CTXND2: variants seen among roughly 807,000 people sequenced by gnomAD.
CTXND2 encodes the protein cortexin domain containing 2.
At chr1:150,909,282 T>C (rs1162373836) in intron 1 of CTXND2, among the ~76,000 whole-genome samples, 1 of 148,236 alleles carries the variant, frequency 6.7e-6, no homozygotes, top group African/African-American at 2.5e-5. Flanking sequence ...CCAGGCACAG[T>C]AGCTCATACA....
At chr1:150,911,112 TG>T (rs1261385112) in intron 1 of CTXND2, among the ~76,000 whole-genome samples, 1 of 151,728 alleles carries the variant, frequency 6.6e-6, no homozygotes, top group Non-Finnish European at 1.5e-5. Context: ...CCATAATTTT[TG>T]TATTTTTTTT....
chr1:150,900,579 T>G (rs1329483527), intron 1 of CTXND2, among the ~76,000 whole-genome samples: 4 of 151,630 alleles, frequency 2.6e-5, no homozygotes, highest in African/African-American at 9.7e-5. Context: ...ACCCGGGAGG[T>G]GGAGGTTACA....
At chr1:150,896,972 G>T (rs970802980) in intron 1 of CTXND2, among the ~76,000 whole-genome samples, 4 of 152,128 alleles carry the variant, frequency 2.6e-5, no homozygotes, top group African/African-American at 9.7e-5. Context: ...ATAACACAAA[G>T]AGAATGTTAA....
chr1:150,909,233 T>C (rs1669206239), intron 1 of CTXND2, among the ~76,000 whole-genome samples: 2 of 127,494 alleles, frequency 1.6e-5, no homozygotes, highest in Admixed American at 1.7e-4. Context: ...GCAAGACTCC[T>C]TCTCAAAAAA....
At chr1:150,910,327 G>A (rs1477723695) in intron 1 of CTXND2, among the ~76,000 whole-genome samples, 6 of 136,702 alleles carry the variant, frequency 4.4e-5, no homozygotes, top group East Asian at 4.6e-4. Context: ...ATGGGGTTTC[G>A]CCATGTTGGC....
chr1:150,898,649 A>C (rs957481920), intron 1 of CTXND2, among the ~76,000 whole-genome samples: 2 of 151,132 alleles, frequency 1.3e-5, no homozygotes, highest in African/African-American at 2.4e-5. Flanking sequence ...CCAGCTACTC[A>C]GGAAACTGAG....
intron 1 of CTXND2, among the ~76,000 whole-genome samples, chr1:150,894,589 G>C (rs758192442): frequency 2.6e-5 from 4 of 151,862 alleles, no homozygotes; most frequent in African/African-American, 9.7e-5. Flanking sequence ...TTTATTTAGC[G>C]GGTACAAGTG....
At chr1:150,908,778 C>T (rs587611230) in intron 1 of CTXND2, among the ~76,000 whole-genome samples, 1 of 144,000 alleles carries the variant, frequency 6.9e-6, no homozygotes, top group South Asian at 2.5e-4. Context: ...ATATGCCACA[C>T]ACCTAGCTAA....
chr1:150,891,628 G>C (rs1488693603), intron 1 of CTXND2, among the ~76,000 whole-genome samples: 1 of 152,158 alleles, frequency 6.6e-6, no homozygotes, highest in Non-Finnish European at 1.5e-5. Flanking sequence ...TGCAACACAA[G>C]GTCCCTTGTG....
chr1:150,901,317 T>A (rs1414222148), intron 1 of CTXND2, among the ~76,000 whole-genome samples: 9 of 152,178 alleles, frequency 5.9e-5, no homozygotes, highest in African/African-American at 2.2e-4. Context: ...ATGCCAGTAC[T>A]CTCTAAATTG....
intron 1 of CTXND2, among the ~76,000 whole-genome samples, chr1:150,905,787 G>A (rs1336447692): frequency 6.6e-6 from 1 of 150,932 alleles, no homozygotes; most frequent in Non-Finnish European, 1.5e-5. Flanking sequence ...TCAGGATATC[G>A]AGACCATCCT....
rs1571607272 is a variant in CTXND2 at position 150,910,336 on chromosome 1, G to C, written c.-73-1906G>C. 5.0e-5 allele frequency among the ~76,000 whole-genome samples: 4 copies of C among 80,588 alleles called. No homozygotes were observed. In the Admixed American group the frequency reaches 6.9e-4, roughly 14 times the overall value. 52.9% of individuals were successfully genotyped at this position (80,588 alleles called of 152,430 possible). On this transcript the variant is annotated intron_variant, in intron 1 of 1. Transcript: ENST00000636087. ...GTAGACATGGGGTTTCGCCATGTTG[G>C]CCAGGCTGGTCTCAAACTCCTGACC...
chr1:150,890,554 A>C (rs1247410224), intron 1 of CTXND2, among the ~76,000 whole-genome samples: 1 of 152,110 alleles, frequency 6.6e-6, no homozygotes, highest in Non-Finnish European at 1.5e-5. Flanking sequence ...CACAGGCTGG[A>C]GTGCAACGGT....
chr1:150,894,986 G>A (rs780703869), intron 1 of CTXND2, among the ~76,000 whole-genome samples: 8 of 151,756 alleles, frequency 5.3e-5, no homozygotes, highest in Non-Finnish European at 8.8e-5. Flanking sequence ...AGCCGAGATC[G>A]CACCACTGCA....
At position 150,907,898 on chromosome 1, in the gene CTXND2, A is replaced by AC. The variant is rs587734925; in HGVS notation, c.-73-4344_-73-4343insC. ...CTAATTTTTTGTATTTTTAGTAGAG[A>AC]TGGGGTTTCACCGTGTTAGCCAGGA... is the stretch of plus-strand genomic sequence containing the variant. On this transcript the variant is annotated intron_variant, in intron 1 of 1. Coordinates refer to ENST00000636087, the Ensembl canonical transcript of CTXND2. Among the ~76,000 whole-genome samples the AC allele has an allele frequency of 4.4e-3, 662 of 151,720 alleles. 4 individuals are homozygous for AC. Among genetic ancestry groups the AC allele is most frequent in the African/African-American group, 0.015 (616 of 41,368 alleles).
intron 1 of CTXND2, among the ~76,000 whole-genome samples, chr1:150,906,204 C>A (rs960877778): frequency 1.3e-5 from 2 of 151,812 alleles, no homozygotes; most frequent in African/African-American, 4.8e-5. Context: ...GAGGCTGAGG[C>A]AGGAGGATCA....
intron 1 of CTXND2, among the ~76,000 whole-genome samples, chr1:150,893,047 T>G (rs778798796): frequency 6.6e-6 from 1 of 152,202 alleles, no homozygotes; most frequent in Non-Finnish European, 1.5e-5. Context: ...ATCAGTAAAG[T>G]TTGGTAATTG....
At chr1:150,912,850 A>G (rs1669279181) in exon 2 of CTXND2, 1 of 163,504 alleles carries the variant, frequency 6.1e-6, no homozygotes, top group South Asian at 2.0e-4. Flanking sequence ...TAGTTATGCA[A>G]ATGTAGGCTC....
chr1:150,891,257 C>A (rs1334223710), intron 1 of CTXND2, among the ~76,000 whole-genome samples: 1 of 151,906 alleles, frequency 6.6e-6, no homozygotes, highest in Non-Finnish European at 1.5e-5. Context: ...CTCTGTCGCC[C>A]AGGCTGGAGT....
Sources: gnomAD v4.1 joint callset for allele counts (sites outside exome capture counted in the v4.1 genomes callset) on GRCh38, gnomAD v4.1.1 for gene constraint, MANE v1.5 for transcripts, NCBI Gene and HGNC (gene_info 2026-07-23, HGNC 2026-07-21) for gene names.